NOL4L: variants seen among roughly 807,000 people sequenced by gnomAD.
NOL4L encodes the protein nucleolar protein 4 like, also known as nucleolar protein 4-like.
Under a neutral mutation model 64.5 loss-of-function variants are expected in NOL4L, and 7 were observed. The observed-to-expected ratio is 0.11, with a 90% confidence interval of 0.06 to 0.20. The LOEUF (loss-of-function observed/expected upper bound fraction) is 0.20. Ranked by LOEUF, NOL4L falls within the 10% of genes least tolerant of loss-of-function variation. The probability of loss-of-function intolerance (pLI) is 1.00; values close to 1 mark genes in which losing one functional copy is unlikely to be tolerated. For synonymous variants in NOL4L, 413 were observed against 401.0 expected (o/e 1.03, Z -0.36); for missense variants, 680 against 967.1 (o/e 0.70, Z 3.94).
intron 5 of NOL4L, among the ~76,000 whole-genome samples, chr20:32,459,914 C>A (rs1273869981): frequency 6.6e-6 from 1 of 152,118 alleles, no homozygotes; most frequent in Non-Finnish European, 1.5e-5. Flanking sequence ...TAGTATCCAG[C>A]CATGAAAATG....
At chr20:32,476,630 G>A (rs1568632164) in intron 4 of NOL4L, among the ~76,000 whole-genome samples, 1 of 152,226 alleles carries the variant, frequency 6.6e-6, no homozygotes, top group African/African-American at 2.4e-5. Flanking sequence ...CCATCCATTC[G>A]ACAGGTATTT....
At position 32,502,681 on chromosome 20, in the gene NOL4L, C is replaced by A. The variant is rs188111404; in HGVS notation, c.699+8666G>T. Among the ~76,000 whole-genome samples, 370 of 151,816 alleles carry A rather than the reference C, an allele frequency of 2.4e-3. 2 individuals carry two copies. The highest frequency in any genetic ancestry group is 0.012 in the South Asian group (59 of 4,806). On this transcript the variant is annotated intron_variant, in intron 4 of 10. Coordinates refer to ENST00000621426, the MANE Select transcript of NOL4L (RefSeq NM_001256798.2). ...ATCCCAGCACTTTGGGAAGCCGAGG[C>A]GGGTGGATCACCTGAGGTCAGGAGT... is the stretch of plus-strand genomic sequence containing the variant.
chr20:32,567,119 G>A (rs1979476289), intron 1 of NOL4L, among the ~76,000 whole-genome samples: 1 of 152,192 alleles, frequency 6.6e-6, no homozygotes, highest in South Asian at 2.1e-4. Context: ...AATCAGGGGT[G>A]CAGGAGCCTG....
intron 3 of NOL4L, among the ~76,000 whole-genome samples, chr20:32,513,287 A>C (rs2017491494): frequency 6.6e-6 from 1 of 152,184 alleles, no homozygotes. Context: ...GCCCCTCAAG[A>C]GCCATAGCCC....
chr20:32,483,350 C>G (rs1340927986), intron 4 of NOL4L: 47 of 983,740 alleles, frequency 4.8e-5, no homozygotes, highest in Non-Finnish European at 5.2e-5. Context: ...GGATCCGGGC[C>G]GGACTCCGTA....
At chr20:32,526,301 C>T (rs761294631) in intron 2 of NOL4L, among the ~76,000 whole-genome samples, 2 of 152,154 alleles carry the variant, frequency 1.3e-5, no homozygotes, top group Non-Finnish European at 2.9e-5. Context: ...GGTGGAAATA[C>T]CCTCAGAACT....
At chr20:32,555,855 C>G (rs192821698) in intron 1 of NOL4L, among the ~76,000 whole-genome samples, 2 of 152,280 alleles carry the variant, frequency 1.3e-5, no homozygotes, top group South Asian at 4.1e-4. Context: ...AGCCACCAGT[C>G]TGTTACTCTG....
At chr20:32,473,821 T>C (rs2015196607) in intron 5 of NOL4L, among the ~76,000 whole-genome samples, 1 of 152,082 alleles carries the variant, frequency 6.6e-6, no homozygotes, top group African/African-American at 2.4e-5. Context: ...AGCTCACTCA[T>C]CCCTGCCCCC....
chr20:32,508,668 G>GC (rs35743394), intron 4 of NOL4L, among the ~76,000 whole-genome samples: 29,598 of 152,098 alleles, frequency 0.19, 4,721 homozygotes, highest in African/African-American at 0.44. Context: ...GTCACATCCA[G>GC]CCCCACTGTA....
intron 4 of NOL4L, among the ~76,000 whole-genome samples, chr20:32,498,580 C>T (rs940611218): frequency 2.7e-5 from 4 of 149,320 alleles, no homozygotes; most frequent in Admixed American, 6.7e-5. Context: ...CTGGGCAACA[C>T]GTGAAGCCCC....
In NOL4L at chr20:32,443,835, C is replaced by T. The variant is rs571909707; in HGVS notation, c.*3761G>A. On this transcript the variant is annotated 3_prime_UTR_variant, in exon 11 of 11. Coordinates refer to ENST00000621426, the MANE Select transcript of NOL4L (RefSeq NM_001256798.2). ...GCAAAGTCCTGCCTTCCCTTTTCCT[C>T]TGTCCATGCAGTTACCCACCAGCAG... is the stretch of plus-strand genomic sequence containing the variant. 16 of 152,402 alleles carry T rather than the reference C, an allele frequency of 1.0e-4. No homozygotes were observed. Among genetic ancestry groups the T allele is most frequent in the African/African-American group, 1.4e-4 (6 of 41,570 alleles). 9.4% of individuals were successfully genotyped at this position (152,402 alleles called of 1,614,324 possible). A position where few individuals can be genotyped will look rare whatever the true frequency, so the allele number is the denominator to read the frequency against.
At position 32,553,595 on chromosome 20, in the gene NOL4L, T is replaced by G. The variant is rs1373849723; in HGVS notation, c.322-25682A>C. Reference sequence around the variant, plus strand: ...TTTTCTATATATTTAACATTTACATTTAGGGTTCATGGTCTGTCTCCCCAC... The same window carrying G: ...TTTTCTATATATTTAACATTTACATGTAGGGTTCATGGTCTGTCTCCCCAC... On this transcript the variant is annotated intron_variant, in intron 1 of 10. Coordinates refer to ENST00000621426, the MANE Select transcript of NOL4L (RefSeq NM_001256798.2). Among the ~76,000 whole-genome samples the G allele has an allele frequency of 3.9e-5, 6 of 152,260 alleles. 1 individual carries two copies. The East Asian group carries it at 9.6e-4, about 24-fold the overall frequency.
intron 1 of NOL4L, among the ~76,000 whole-genome samples, chr20:32,534,661 T>C (rs2018452475): frequency 1.3e-5 from 2 of 151,734 alleles, no homozygotes; most frequent in African/African-American, 4.8e-5. Flanking sequence ...AAGACCAGCC[T>C]GGGCAATACG....
chr20:32,475,554 C>T (rs1017959966), intron 4 of NOL4L, among the ~76,000 whole-genome samples: 3 of 152,390 alleles, frequency 2.0e-5, no homozygotes, highest in Admixed American at 1.3e-4. Context: ...GGGCGGGGCC[C>T]CTTCAACCCA....
intron 1 of NOL4L, among the ~76,000 whole-genome samples, chr20:32,544,449 C>G (rs555938037): frequency 6.6e-6 from 1 of 152,082 alleles, no homozygotes; most frequent in South Asian, 2.1e-4. Context: ...CACCTCCCTG[C>G]GCCAGGCTAA....
At chr20:32,536,448 C>A (rs2018527059) in intron 1 of NOL4L, 1 of 290,954 alleles carries the variant, frequency 3.4e-6, no homozygotes, top group Non-Finnish European at 4.9e-6. Context: ...TGGGGCCGAG[C>A]TGGCCGCGCG....
intron 1 of NOL4L, among the ~76,000 whole-genome samples, chr20:32,557,445 C>G (rs565434038): frequency 2.0e-4 from 31 of 152,364 alleles, no homozygotes; most frequent in African/African-American, 7.2e-4. Flanking sequence ...GCAGCAAAGT[C>G]AGAGCAGCCC....
intron 1 of NOL4L, among the ~76,000 whole-genome samples, chr20:32,532,104 C>T (rs1025678488): frequency 6.6e-5 from 10 of 152,200 alleles, no homozygotes; most frequent in Non-Finnish European, 1.3e-4. Flanking sequence ...CAGCTTTGCA[C>T]CTGGTCCAAT....
intron 5 of NOL4L, among the ~76,000 whole-genome samples, chr20:32,474,361 G>A (rs2015239516): frequency 6.6e-6 from 1 of 152,272 alleles, no homozygotes; most frequent in African/African-American, 2.4e-5. Context: ...CCGCCCCGCA[G>A]GCTGCCAGTC....
Sources: allele counts gnomAD v4.1 joint callset (sites outside exome capture counted in the v4.1 genomes callset), GRCh38; gene constraint gnomAD v4.1.1; transcripts MANE v1.5; gene names NCBI Gene and HGNC (gene_info 2026-07-23, HGNC 2026-07-21).